Variants in TXNDC11 observed in about 807,000 individuals in gnomAD.
The protein encoded by TXNDC11 is thioredoxin domain-containing protein 11.
In TXNDC11, 68 loss-of-function variants were observed where a neutral mutation model predicts 78.0. The observed-to-expected ratio is 0.87, with a 90% CI of 0.72 to 1.07. The LOEUF (loss-of-function observed/expected upper bound fraction) is 1.07, where lower values mean the gene tolerates loss of function less well. TXNDC11 is among the 50% of genes least tolerant of loss of function. TXNDC11 has a pLI of 0.00. For synonymous variants in TXNDC11, 571 were observed against 495.2 expected, an observed-to-expected ratio of 1.15 and a Z score of -2.03; for missense variants, 1,389 against 1,221.8, an observed-to-expected ratio of 1.14 and a Z score of -2.04.
chr16:11,713,641 C>G (rs934196880), intron 5 of TXNDC11, among the ~76,000 whole-genome samples: 1 of 152,160 alleles, frequency 6.6e-6, no homozygotes, highest in African/African-American at 2.4e-5. Flanking sequence ...GTCTAAAACC[C>G]CTTACCTCAG....
Position 11,721,560 on chromosome 16 carries a change from T to G in TXNDC11, c.793+17A>C, listed in dbSNP as rs1332568219. The stretch of plus-strand genomic sequence containing the variant: ...TTCTACTGAAGTAACAATGTCTTAA[T>G]ATGAATCATTTTTTACCTTTCTTTA... On this transcript the variant is annotated intron_variant, in intron 5 of 11. Transcript: ENST00000283033. The G allele has an allele frequency of 6.9e-7, 1 of 1,444,354 alleles. No individual in the cohort carries two copies. Among genetic ancestry groups the G allele is most frequent in the East Asian group, 2.3e-5 (1 of 43,372 alleles). 89.5% of individuals were successfully genotyped at this position (1,444,354 alleles called of 1,614,324 possible).
intron 5 of TXNDC11, among the ~76,000 whole-genome samples, chr16:11,720,416 ATT>A (rs35998980): frequency 1.9e-4 from 27 of 140,678 alleles, no homozygotes; most frequent in Admixed American, 2.8e-4. Context: ...TGATGTAATA[ATT>A]TTTTTTTTTT....
Position 11,679,533 on chromosome 16 carries a change from C to G in TXNDC11, c.2539G>C (p.Glu847Gln). 6.2e-7 allele frequency: 1 copy of G among 1,613,430 alleles called. No individual in the cohort carries two copies. The highest frequency in any genetic ancestry group is 8.5e-7 in the Non-Finnish European group (1 of 1,180,026). The stretch of plus-strand genomic sequence containing the variant: ...TGTGCGTGGAGCAGGCTGTGCTGCT[C>G]TTCCAGGGCCCGCTGCTGCTGCCGC... ...RLRQQQRALE[E>Q]QHSLLHAHSE... Residue 847 changes from glutamate (E) to glutamine (Q), a missense_variant, in exon 12 of 12, where the codon GAG becomes CAG. Transcript: ENST00000283033. The surrounding 1 kb of genome is among the most constrained non-coding windows in gnomAD (Gnocchi z 4.6).
chr16:11,715,501 T>G (rs547185591), intron 5 of TXNDC11, among the ~76,000 whole-genome samples: 1 of 150,736 alleles, frequency 6.6e-6, no homozygotes, highest in East Asian at 1.9e-4. Flanking sequence ...GCAGGGAAAT[T>G]CCTACACTAT....
At chr16:11,699,920 C>T (rs949444020) in intron 6 of TXNDC11, among the ~76,000 whole-genome samples, 23 of 152,324 alleles carry the variant, frequency 1.5e-4, no homozygotes, top group African/African-American at 5.1e-4. Context: ...CAGGCTGCTC[C>T]ACAGAAAGCA....
chr16:11,685,400 C>G (rs1024163860), intron 10 of TXNDC11, among the ~76,000 whole-genome samples: 4 of 151,932 alleles, frequency 2.6e-5, no homozygotes, highest in Non-Finnish European at 5.9e-5. Context: ...AATCCCAGCA[C>G]TTTAGGAGGC....
intron 4 of TXNDC11, among the ~76,000 whole-genome samples, chr16:11,723,708 A>C (rs750119012): frequency 6.6e-6 from 1 of 152,192 alleles, no homozygotes; most frequent in African/African-American, 2.4e-5. Context: ...CCAGCATTCT[A>C]CAATTCTGTC....
At chr16:11,688,022 T>C in intron 9 of TXNDC11, 56 bp from the exon 10 acceptor site, 1 of 1,330,664 alleles carries the variant, frequency 7.5e-7, no homozygotes, top group East Asian at 2.4e-5. Flanking sequence ...TCTTCTTCAT[T>C]TCTTTCCTCA....
At chr16:11,703,634 C>G (rs1418753943) in intron 5 of TXNDC11, 7 of 700,296 alleles carry the variant, frequency 1.0e-5, no homozygotes, top group Admixed American at 4.0e-5. Context: ...CTGAGAAGAC[C>G]TAGAAGTAAT....
At chr16:11,689,077 T>C (rs2050640639) in intron 8 of TXNDC11, among the ~76,000 whole-genome samples, 1 of 147,532 alleles carries the variant, frequency 6.8e-6, no homozygotes. Flanking sequence ...CAATACTAAT[T>C]TGAATTTCAC....
In TXNDC11 at chr16:11,691,863, C is replaced by G; in HGVS notation, c.1327G>C (p.Glu443Gln). 6.2e-7 allele frequency: 1 copy of G among 1,614,226 alleles called. No individual in the cohort carries two copies. The highest frequency in any genetic ancestry group is 1.3e-5 in the African/African-American group (1 of 75,062). ...CCGGAGGTCTGGTTGACACAGAGTTCACAGACGTTGTGGGTCCTGGAGAAG... is the reference window on the plus strand; with the variant it reads ...CCGGAGGTCTGGTTGACACAGAGTTGACAGACGTTGTGGGTCCTGGAGAAG... Reference protein sequence around the residue: ...HSFSRTHNVCELCVNQTSGGM... With the variant: ...HSFSRTHNVCQLCVNQTSGGM... Residue 443 changes from glutamate (E) to glutamine (Q), a missense_variant, in exon 8 of 12, where the codon GAA becomes CAA. Transcript: ENST00000283033.
At chr16:11,707,445 T>G (rs1380989331) in intron 5 of TXNDC11, among the ~76,000 whole-genome samples, 1 of 123,710 alleles carries the variant, frequency 8.1e-6, no homozygotes, top group African/African-American at 3.0e-5. Flanking sequence ...GTTTCTTTTA[T>G]TTTTCCCAAT....
chr16:11,716,015 G>T (rs545084172), intron 5 of TXNDC11, among the ~76,000 whole-genome samples: 32 of 152,270 alleles, frequency 2.1e-4, no homozygotes, highest in Middle Eastern at 3.4e-3. Context: ...AGTATTTCAT[G>T]ATTTGACCTT....
At chr16:11,717,692 G>A (rs994217109) in intron 5 of TXNDC11, among the ~76,000 whole-genome samples, 4 of 149,914 alleles carry the variant, frequency 2.7e-5, no homozygotes, top group African/African-American at 1.0e-4. Context: ...GTGGTGGCAG[G>A]CGCCTGTAAT....
chr16:11,684,619 C>T (rs897708282), intron 10 of TXNDC11, among the ~76,000 whole-genome samples: 1 of 152,224 alleles, frequency 6.6e-6, no homozygotes, highest in Non-Finnish European at 1.5e-5. Context: ...CATCAAGCCC[C>T]TCTGAAGATG....
In TXNDC11 at chr16:11,742,458, AGGGTCC is replaced by A. The variant is rs977124950; in HGVS notation, c.254+13_254+18del. On this transcript the variant is annotated intron_variant, in intron 1 of 11. Coordinates refer to ENST00000283033, the MANE Select transcript of TXNDC11 (RefSeq NM_015914.7). ...AAGGGGAGCGCCCTAGCGGGGCCCCAGGGTCCGGGCCGCCTCACCTGCAGGTGAACT... is the reference window on the plus strand; with the variant it reads ...AAGGGGAGCGCCCTAGCGGGGCCCCAGGGCCGCCTCACCTGCAGGTGAACT... The A allele has an allele frequency of 7.2e-7, 1 of 1,396,150 alleles. No individual in the cohort carries two copies. Among genetic ancestry groups the A allele is most frequent in the African/African-American group, 1.5e-5 (1 of 66,014 alleles). The allele number at this position is 1,396,150 out of a possible 1,614,324, so 86.5% of individuals were successfully genotyped here.
intron 7 of TXNDC11, among the ~76,000 whole-genome samples, chr16:11,697,739 A>C (rs985685850): frequency 2.0e-5 from 3 of 152,130 alleles, no homozygotes; most frequent in African/African-American, 7.2e-5. Flanking sequence ...AGACAATGGC[A>C]TCTCCTAGGC....
chr16:11,716,188 C>G (rs2051522277), intron 5 of TXNDC11, among the ~76,000 whole-genome samples: 1 of 152,240 alleles, frequency 6.6e-6, no homozygotes, highest in African/African-American at 2.4e-5. Flanking sequence ...CACTGCTTTT[C>G]TCCCTAGACT....
chr16:11,709,009 T>A (rs1026473522), intron 5 of TXNDC11, among the ~76,000 whole-genome samples: 1 of 152,226 alleles, frequency 6.6e-6, no homozygotes, highest in Non-Finnish European at 1.5e-5. Context: ...TCCAATAAAG[T>A]GTCCATTAAA....
Sources: gnomAD v4.1 joint callset for allele counts (sites outside exome capture counted in the v4.1 genomes callset) on GRCh38, gnomAD v4.1.1 for gene constraint, Gnocchi (gnomAD v3.1) non-coding constraint, MANE v1.5 for transcripts, NCBI Gene and HGNC (gene_info 2026-07-23, HGNC 2026-07-21) for gene names.